Variants in TP53INP1 observed in about 807,000 individuals in gnomAD.
The protein encoded by TP53INP1 is tumor protein p53-inducible nuclear protein 1.
In TP53INP1, 12 loss-of-function variants were observed where a neutral mutation model predicts 21.0. The observed-to-expected ratio is 0.57, with a 90% CI of 0.37 to 0.93. The LOEUF (loss-of-function observed/expected upper bound fraction) is 0.93, where lower values mean the gene tolerates loss of function less well. TP53INP1 is among the 40% of genes least tolerant of loss of function. The pLI is 0.01. For synonymous variants in TP53INP1, 91 were observed against 94.8 expected (o/e 0.96, Z 0.23); for missense variants, 274 against 294.7 (o/e 0.93, Z 0.51).
rs1819934310 is a variant in TP53INP1, at chr8:94,926,761, C to T, written c.*3718G>A. The T allele has an allele frequency of 6.6e-6, 1 of 152,186 alleles. No homozygotes were observed. The highest frequency in any genetic ancestry group is 1.5e-5 in the Non-Finnish European group (1 of 68,024). The allele number at this position is 152,186 out of a possible 1,614,324, so 9.4% of individuals were successfully genotyped here. A position where few individuals can be genotyped will look rare whatever the true frequency, so the allele number is the denominator to read the frequency against. On this transcript the variant is annotated 3_prime_UTR_variant, in exon 4 of 4. Transcript: ENST00000342697. Reference sequence around the variant, plus strand: ...ATCCTCATCTGCATGTTTTCCAGTACCTCTTTCTCCACCCTAAACAGTTGA... The same window carrying T: ...ATCCTCATCTGCATGTTTTCCAGTATCTCTTTCTCCACCCTAAACAGTTGA...
chr8:94,941,568 T>G (rs950339300), intron 1 of TP53INP1, among the ~76,000 whole-genome samples: 2 of 152,214 alleles, frequency 1.3e-5, no homozygotes, highest in African/African-American at 4.8e-5. Flanking sequence ...CTGATTACAC[T>G]TAAAATCTGT....
At chr8:94,947,300 AC>A (rs1822106947) in intron 1 of TP53INP1, among the ~76,000 whole-genome samples, 2 of 129,666 alleles carry the variant, frequency 1.5e-5, no homozygotes, top group African/African-American at 2.7e-5. Flanking sequence ...AAAAAAAAAA[AC>A]CCGCAAGTTT....
chr8:94,935,172 G>GATAGATAGATAGATAT (rs1167646491), intron 3 of TP53INP1, among the ~76,000 whole-genome samples: 2 of 151,454 alleles, frequency 1.3e-5, no homozygotes, highest in African/African-American at 2.4e-5. Flanking sequence ...TAGATAGATA[G>GATAGATAGATAGATAT]ATATAATACA....
chr8:94,940,157 G>A lies in TP53INP1; in HGVS notation c.176C>T (p.Pro59Leu). The A allele has an allele frequency of 2.5e-6, 4 of 1,614,126 alleles. No individual in the cohort carries two copies. Among genetic ancestry groups the A allele is most frequent in the Non-Finnish European group, 1.7e-6 (2 of 1,180,010 alleles). The change falls in exon 3 of 4, where the codon CCT becomes CTT. Residue 59 changes from proline (P) to leucine (L), a missense_variant. Transcript: ENST00000342697. ...GGAAAAGACTGAAGGGTGCTCAGTAGGTGACTCTTCACTGATGTCCTCCTC... is the reference window on the plus strand; with the variant it reads ...GGAAAAGACTGAAGGGTGCTCAGTAAGTGACTCTTCACTGATGTCCTCCTC... Reference protein sequence around the residue: ...EEEEDISEESPTEHPSVFSCL... With the variant: ...EEEEDISEESLTEHPSVFSCL...
At chr8:94,932,888 G>A (rs1820564287) in intron 3 of TP53INP1, among the ~76,000 whole-genome samples, 1 of 152,126 alleles carries the variant, frequency 6.6e-6, no homozygotes, top group Non-Finnish European at 1.5e-5. Flanking sequence ...TAATTTACAG[G>A]AGTTTCCTGT....
In TP53INP1 at chr8:94,926,432, A is replaced by AC. The variant is rs11408221; in HGVS notation, c.*4046_*4047insG. 115,376 of 147,998 alleles carry AC rather than the reference A, an allele frequency of 0.78. 46,508 individuals carry two copies. The highest frequency in any genetic ancestry group is 0.88 in the East Asian group (4,548 of 5,140). 9.2% of individuals were successfully genotyped at this position (147,998 alleles called of 1,614,324 possible). Reference sequence around the variant, plus strand: ...AACAAAGCCACTTAAAAAAAAAAAAAACACACGCAATTATTAAAGTTCAAA... The same window carrying AC: ...AACAAAGCCACTTAAAAAAAAAAAAACACACACGCAATTATTAAAGTTCAAA... On this transcript the variant is annotated 3_prime_UTR_variant, in exon 4 of 4. Transcript: ENST00000342697.
At chr8:94,941,891 T>A (rs560270105) in intron 1 of TP53INP1, among the ~76,000 whole-genome samples, 1 of 152,234 alleles carries the variant, frequency 6.6e-6, no homozygotes, top group Non-Finnish European at 1.5e-5. Context: ...CCTGGCTACC[T>A]GATGGGCGTA....
intron 3 of TP53INP1, among the ~76,000 whole-genome samples, chr8:94,938,249 C>T (rs1410244539): frequency 6.6e-6 from 1 of 152,152 alleles, no homozygotes; most frequent in African/African-American, 2.4e-5. Flanking sequence ...TCATACAGTA[C>T]GATGATGGAT....
Position 94,930,642 on chromosome 8 carries a change from T to A in TP53INP1, c.560A>T (p.Lys187Met), listed in dbSNP as rs1820304162. Residue 187 changes from lysine (K) to methionine (M), a missense_variant, in exon 4 of 4, where the codon AAG (lysine) becomes ATG (methionine). Physicochemically the swap from Lys to Met is moderately conservative, Grantham distance 95. Transcript: ENST00000342697. ...AAHTTFLEQPKSFRPSQWIKE... is the reference protein window; with the variant it reads ...AAHTTFLEQPMSFRPSQWIKE... ...TATCCACTGGGAAGGGCGAAAGCTC[T>A]TGGGTTGTTCCAGAAAAGTTGTATG... is the stretch of plus-strand genomic sequence containing the variant. The A allele has an allele frequency of 1.9e-6, 3 of 1,614,242 alleles. No homozygotes were observed. In the African/African-American group the frequency reaches 4.0e-5, roughly 22 times the overall value.
chr8:94,934,183 T>C (rs1820742722), intron 3 of TP53INP1, among the ~76,000 whole-genome samples: 1 of 151,974 alleles, frequency 6.6e-6, no homozygotes, highest in African/African-American at 2.4e-5. Context: ...GGATATACTC[T>C]AGGATGTTAA....
chr8:94,944,958 G>A (rs1172811577), intron 1 of TP53INP1, among the ~76,000 whole-genome samples: 1 of 152,204 alleles, frequency 6.6e-6, no homozygotes, highest in Non-Finnish European at 1.5e-5. Context: ...AAGGCAAGGA[G>A]CTATTGGAGA....
intron 1 of TP53INP1, among the ~76,000 whole-genome samples, chr8:94,948,146 G>C (rs1822179522): frequency 6.6e-6 from 1 of 152,130 alleles, no homozygotes; most frequent in African/African-American, 2.4e-5. Flanking sequence ...CTCTGTATTG[G>C]AATTAACCTA....
At chr8:94,930,766 A>G (rs570238273) in intron 3 of TP53INP1, 38 bp from the exon 4 acceptor site, 29 of 1,599,404 alleles carry the variant, frequency 1.8e-5, no homozygotes, top group Non-Finnish European at 2.5e-5. Flanking sequence ...TAAATAACAG[A>G]GTATGTTATT....
intron 1 of TP53INP1, among the ~76,000 whole-genome samples, chr8:94,942,475 C>G (rs1200212543): frequency 6.6e-6 from 1 of 152,204 alleles, no homozygotes; most frequent in Non-Finnish European, 1.5e-5. Context: ...GTCTCTGAGA[C>G]TTTGCCAAAA....
intron 3 of TP53INP1, 121 bp downstream of exon 3, chr8:94,939,739 C>T (rs759296991): frequency 9.4e-5 from 131 of 1,387,564 alleles, no homozygotes; most frequent in Non-Finnish European, 1.3e-4. Flanking sequence ...TATGCACATG[C>T]TTTCATAAAT....
At chr8:94,948,955 G>A (rs1054763591) in intron 1 of TP53INP1, among the ~76,000 whole-genome samples, 199 bp downstream of exon 1, 1 of 150,814 alleles carries the variant, frequency 6.6e-6, no homozygotes, top group Non-Finnish European at 1.5e-5. Context: ...GGCCGCCGAG[G>A]ACCGACCCAC....
intron 3 of TP53INP1, among the ~76,000 whole-genome samples, chr8:94,937,628 C>T (rs1563728100): frequency 6.6e-6 from 1 of 151,984 alleles, no homozygotes; most frequent in Non-Finnish European, 1.5e-5. Flanking sequence ...TTTTTCTTTC[C>T]CACATCACCT....
rs769003100 is a variant in TP53INP1, at chr8:94,926,886, T to C, written c.*3593A>G. On this transcript the variant is annotated 3_prime_UTR_variant, in exon 4 of 4. Transcript: ENST00000342697. Reference sequence around the variant, plus strand: ...TAAATAAAGCATTTTATGTATAATTTTAAGCATTAAAGTAAGTAGATAGGG... The same window carrying C: ...TAAATAAAGCATTTTATGTATAATTCTAAGCATTAAAGTAAGTAGATAGGG... The C allele has an allele frequency of 2.0e-5, 3 of 152,182 alleles. No individual in the cohort carries two copies. Among genetic ancestry groups the C allele is most frequent in the Non-Finnish European group, 4.4e-5 (3 of 68,030 alleles). 9.4% of individuals were successfully genotyped at this position (152,182 alleles called of 1,614,324 possible). A position where few individuals can be genotyped will look rare whatever the true frequency, so the allele number is the denominator to read the frequency against.
Position 94,939,897 on chromosome 8 carries a change from G to C in TP53INP1, c.436C>G (p.Arg146Gly). The change falls in exon 3 of 4, where the codon CGT (arginine) becomes GGT (glycine). Residue 146 changes from arginine to glycine, a missense_variant. By Grantham distance (125) the Arg-to-Gly change is moderately radical. Transcript: ENST00000342697. ...GGGCTATGTAATTCATCAGTCCCACGGGTGGCCTCACTGAGACCAGGGCAG... is the reference window on the plus strand; with the variant it reads ...GGGCTATGTAATTCATCAGTCCCACCGGTGGCCTCACTGAGACCAGGGCAG... ...NSCPGLSEAT[R>G]GTDELHSPSS... 6.2e-7 allele frequency: 1 copy of C among 1,614,010 alleles called. No individual in the cohort carries two copies. Among genetic ancestry groups the C allele is most frequent in the Non-Finnish European group, 8.5e-7 (1 of 1,179,954 alleles).
Sources: allele counts gnomAD v4.1 joint callset (sites outside exome capture counted in the v4.1 genomes callset), GRCh38; gene constraint gnomAD v4.1.1; transcripts MANE v1.5; gene names NCBI Gene and HGNC (gene_info 2026-07-23, HGNC 2026-07-21).